Variants in MAP7D2 observed in about 807,000 individuals in gnomAD.
The protein encoded by MAP7D2 is MAP7 domain containing 2.
A neutral mutation model predicts 63.5 loss-of-function variants in MAP7D2; 33 were observed. The observed-to-expected ratio is 0.52, with a 90% confidence interval of 0.39 to 0.70. The LOEUF is 0.70. MAP7D2 is among the 30% of genes least tolerant of loss of function. The probability of loss-of-function intolerance (pLI) is 0.00; values close to 1 mark genes in which losing one functional copy is unlikely to be tolerated. For missense variants in MAP7D2, 626 were observed against 604.0 expected, an observed-to-expected ratio of 1.04 and a Z score of -0.38; for synonymous variants, 224 against 223.7, an observed-to-expected ratio of 1.00 and a Z score of -0.01.
intron 3 of MAP7D2, 53 bp downstream of exon 3, chrX:20,063,361 G>A: frequency 1.7e-6 from 2 of 1,179,673 alleles, no homozygotes; most frequent in Non-Finnish European, 2.3e-6. Flanking sequence ...CAGGCACTCT[G>A]AGCAGCCTGC....
chrX:20,116,060 G>A (rs1375202409), intron 1 of MAP7D2, among the ~76,000 whole-genome samples: 2 of 112,907 alleles, frequency 1.8e-5, no homozygotes, highest in African/African-American at 6.4e-5. Context: ...GGCAGCCAGG[G>A]ACCAGCCCTC....
chrX:20,011,150 C>T (rs1306252827), intron 15 of MAP7D2, 98 bp from the exon 16 acceptor site: 5 of 882,830 alleles, frequency 5.7e-6, no homozygotes, highest in Non-Finnish European at 7.8e-6. Flanking sequence ...TTTTACTACT[C>T]TTCTAAAGAA....
intron 4 of MAP7D2, chrX:20,055,841 C>CA: frequency 1.1e-6 from 1 of 915,030 alleles, no homozygotes; most frequent in Non-Finnish European, 1.4e-6. Flanking sequence ...ACCTACACAG[C>CA]AAAAAATCAG....
At chrX:20,019,937 C>G (rs774384917) in intron 10 of MAP7D2, among the ~76,000 whole-genome samples, 8 of 111,985 alleles carry the variant, frequency 7.1e-5, no homozygotes, top group African/African-American at 2.3e-4. Flanking sequence ...GAGGTGTAAA[C>G]GAGGCTGGCT....
At chrX:20,015,659 G>T (rs191846785) in intron 11 of MAP7D2, among the ~76,000 whole-genome samples, 1 of 112,313 alleles carries the variant, frequency 8.9e-6, no homozygotes, top group African/African-American at 3.2e-5. Context: ...TTCTACTACC[G>T]TGAAGGGCAG....
chrX:20,110,992 T>G (rs2066726358), intron 1 of MAP7D2, among the ~76,000 whole-genome samples: 1 of 111,859 alleles, frequency 8.9e-6, no homozygotes, highest in African/African-American at 3.3e-5. Flanking sequence ...ATTCTGGGAC[T>G]TCTATGTGCA....
chrX:20,031,639 C>T (rs1171932991), intron 8 of MAP7D2, among the ~76,000 whole-genome samples: 1 of 107,384 alleles, frequency 9.3e-6, no homozygotes, highest in Non-Finnish European at 1.9e-5. Context: ...TGGTGGTGTG[C>T]CCCTGTAATC....
intron 1 of MAP7D2, among the ~76,000 whole-genome samples, chrX:20,077,437 A>C (rs755742836): frequency 8.9e-5 from 10 of 111,978 alleles, no homozygotes; most frequent in Admixed American, 1.9e-4. Context: ...TGGGCATCAG[A>C]ATAAGACTCT....
chrX:20,019,779 G>C (rs1442997781), intron 10 of MAP7D2, among the ~76,000 whole-genome samples: 1 of 111,516 alleles, frequency 9.0e-6, no homozygotes, highest in Non-Finnish European at 1.9e-5. Flanking sequence ...CAGTCTACTT[G>C]CGTCTGCTTC....
chrX:20,065,563 G>A (rs938745676), intron 1 of MAP7D2, among the ~76,000 whole-genome samples: 2 of 111,227 alleles, frequency 1.8e-5, no homozygotes, highest in Non-Finnish European at 3.8e-5. Flanking sequence ...CACCATGCCC[G>A]GCCTACTTTC....
At chrX:20,053,941 T>C (rs1030344125) in intron 4 of MAP7D2, among the ~76,000 whole-genome samples, 2 of 111,556 alleles carry the variant, frequency 1.8e-5, no homozygotes. Context: ...CCTCCCGGGT[T>C]CAAGTGATTC....
chrX:20,042,669 C>T (rs1490880649), intron 7 of MAP7D2, 40 bp from the exon 8 acceptor site: 1 of 1,199,942 alleles, frequency 8.3e-7, no homozygotes, highest in Admixed American at 2.2e-5. Flanking sequence ...ATGACTGGCA[C>T]TACTTCCACA....
At chrX:20,087,069 C>G in intron 1 of MAP7D2, among the ~76,000 whole-genome samples, 1 of 112,429 alleles carries the variant, frequency 8.9e-6, no homozygotes, top group African/African-American at 3.2e-5. Flanking sequence ...CTCAGGCAGT[C>G]TGACTCCAGA....
chrX:20,012,561 T>C (rs1348028760), intron 14 of MAP7D2, 26 bp from the exon 15 acceptor site: 3 of 1,108,030 alleles, frequency 2.7e-6, no homozygotes, highest in Non-Finnish European at 3.6e-6. Flanking sequence ...AAGTCCCTTG[T>C]GTTAATCATA....
chrX:20,056,923 C>A, intron 3 of MAP7D2, 132 bp from the exon 4 acceptor site: 1 of 525,208 alleles, frequency 1.9e-6, no homozygotes, highest in Admixed American at 3.0e-5. Context: ...CCCAGGCATA[C>A]GTGCTCTCTC....
At chrX:20,025,987 T>G (rs1354364374) in intron 8 of MAP7D2, 35 bp from the exon 9 acceptor site, 2 of 1,192,143 alleles carry the variant, frequency 1.7e-6, no homozygotes, top group East Asian at 3.0e-5. Context: ...GGATGATTAC[T>G]GGGCCTGAAC....
intron 8 of MAP7D2, among the ~76,000 whole-genome samples, chrX:20,029,230 A>G (rs2073972346): frequency 8.9e-6 from 1 of 112,279 alleles, no homozygotes; most frequent in South Asian, 3.7e-4. Context: ...TCCGACCACA[A>G]GGGTCTCCAG....
At chrX:20,039,447 C>A (rs926096172) in intron 8 of MAP7D2, among the ~76,000 whole-genome samples, 1 of 111,875 alleles carries the variant, frequency 8.9e-6, no homozygotes, top group Admixed American at 9.5e-5. Flanking sequence ...GAAGGATAGG[C>A]GTAATTACGA....
At chrX:20,100,459 T>C (rs1258906161) in intron 1 of MAP7D2, among the ~76,000 whole-genome samples, 1 of 112,018 alleles carries the variant, frequency 8.9e-6, no homozygotes, top group East Asian at 2.8e-4. Context: ...AACCTGTGAA[T>C]ATGCTATCCC....
Sources: gnomAD v4.1 joint callset for allele counts (sites outside exome capture counted in the v4.1 genomes callset) on GRCh38, gnomAD v4.1.1 for gene constraint, MANE v1.5 for transcripts, NCBI Gene and HGNC (gene_info 2026-07-23, HGNC 2026-07-21) for gene names.